C3orf70: variants seen among roughly 807,000 people sequenced by gnomAD.
C3orf70 encodes the protein UPF0524 protein C3orf70.
In C3orf70, 15 loss-of-function variants were observed where a neutral mutation model predicts 20.7. The ratio of observed to expected loss-of-function variants is 0.72; its 90% CI spans 0.48 to 1.11. The LOEUF (loss-of-function observed/expected upper bound fraction) is 1.11. Among genes scored for constraint, C3orf70 ranks in the 50% most tolerant of loss-of-function variants. C3orf70 has a pLI of 0.00. For missense variants in C3orf70, 332 were observed against 317.6 expected (o/e 1.05, Z -0.34); for synonymous variants, 161 against 125.7 (o/e 1.28, Z -1.88).
At chr3:185,137,326 G>A (rs948668893) in intron 1 of C3orf70, among the ~76,000 whole-genome samples, 1 of 152,148 alleles carries the variant, frequency 6.6e-6, no homozygotes, top group South Asian at 2.1e-4. Context: ...CCAGTCTCAG[G>A]TGTGTCTTTA....
In C3orf70 at chr3:185,152,969, G is replaced by T; in HGVS notation, c.-146C>A. ...CACGCGGCGGCGGCGGGAGCGCGGC[G>T]GTCCCAGGCTCGAGGAGGAGCCGCC... On this transcript the variant is annotated 5_prime_UTR_variant, in exon 1 of 2. Coordinates refer to ENST00000335012, the MANE Select transcript of C3orf70 (RefSeq NM_001025266.3). 1.6e-6 allele frequency: 1 copy of T among 637,230 alleles called. No individual in the cohort carries two copies. The highest frequency in any genetic ancestry group is 2.2e-6 in the Non-Finnish European group (1 of 453,200). 39.5% of individuals were successfully genotyped at this position (637,230 alleles called of 1,614,324 possible). A position where few individuals can be genotyped will look rare whatever the true frequency, so the allele number is the denominator to read the frequency against.
chr3:185,100,976 G>A (rs1480509314), intron 1 of C3orf70, among the ~76,000 whole-genome samples: 2 of 151,940 alleles, frequency 1.3e-5, no homozygotes, highest in African/African-American at 2.4e-5. Flanking sequence ...TCCCGAGACT[G>A]AGCCAGGAAG....
chr3:185,137,948 T>C (rs1157041427), intron 1 of C3orf70, among the ~76,000 whole-genome samples: 1 of 151,900 alleles, frequency 6.6e-6, no homozygotes, highest in Non-Finnish European at 1.5e-5. Context: ...AGAAAATCAA[T>C]GAAACAAAGA....
intron 1 of C3orf70, among the ~76,000 whole-genome samples, chr3:185,139,109 G>A (rs1716689295): frequency 6.6e-6 from 1 of 150,472 alleles, no homozygotes; most frequent in African/African-American, 2.4e-5. Context: ...CAAAAAAGGA[G>A]AGGGAGAGGG....
chr3:185,110,383 A>G (rs965383874), intron 1 of C3orf70, among the ~76,000 whole-genome samples: 12 of 152,326 alleles, frequency 7.9e-5, no homozygotes, highest in Admixed American at 2.6e-4. Flanking sequence ...AACACTTGGA[A>G]GCTCTGTGAT....
chr3:185,145,409 A>G (rs1716839299), intron 1 of C3orf70, among the ~76,000 whole-genome samples: 1 of 152,240 alleles, frequency 6.6e-6, no homozygotes. Flanking sequence ...CGTATCATAC[A>G]AATAATAAAA....
At chr3:185,103,356 C>T (rs1231879715) in intron 1 of C3orf70, among the ~76,000 whole-genome samples, 4 of 151,958 alleles carry the variant, frequency 2.6e-5, no homozygotes, top group South Asian at 2.1e-4. Context: ...AATAGACAAA[C>T]GGGATTAATT....
intron 1 of C3orf70, among the ~76,000 whole-genome samples, chr3:185,090,492 C>A (rs1301032845): frequency 2.0e-5 from 3 of 151,774 alleles, no homozygotes; most frequent in African/African-American, 7.3e-5. Flanking sequence ...TCAGGGAATG[C>A]AAAGTAATTT....
chr3:185,078,572 C>T lies in C3orf70; in HGVS notation c.*4435G>A, dbSNP rs913537563. The T allele has an allele frequency of 8.5e-5, 13 of 152,222 alleles. No individual in the cohort carries two copies. The highest frequency in any genetic ancestry group is 1.6e-4 in the Non-Finnish European group (11 of 68,034). The allele number at this position is 152,222 out of a possible 1,614,324, so 9.4% of individuals were successfully genotyped here. A position where few individuals can be genotyped will look rare whatever the true frequency, so the allele number is the denominator to read the frequency against. ...CAGCACTGACCACGTGTGTGGAACT[C>T]CCACTGGCTTCCCCCTTCTTCCCTC... On this transcript the variant is annotated 3_prime_UTR_variant, in exon 2 of 2. Transcript: ENST00000335012.
At chr3:185,139,272 G>C (rs772175722) in intron 1 of C3orf70, among the ~76,000 whole-genome samples, 4 of 152,018 alleles carry the variant, frequency 2.6e-5, no homozygotes, top group Non-Finnish European at 5.9e-5. Flanking sequence ...AGTCTACCCA[G>C]CCAGGCTTGG....
At position 185,077,786 on chromosome 3, in the gene C3orf70, T is replaced by TGGGGGG. The variant is rs757363358; in HGVS notation, c.*5220_*5221insCCCCCC. On this transcript the variant is annotated 3_prime_UTR_variant, in exon 2 of 2. Coordinates refer to ENST00000335012, the MANE Select transcript of C3orf70 (RefSeq NM_001025266.3). The stretch of plus-strand genomic sequence containing the variant: ...GTGTGAAATAAATGCTATTTGGTGG[T>TGGGGGG]GGTGGGGGGGGGGTATCAAGTTTTA... Among the ~76,000 whole-genome samples the TGGGGGG allele has an allele frequency of 2.4e-5, 2 of 85,058 alleles. No homozygotes were observed. The highest frequency in any genetic ancestry group is 5.2e-4 in the South Asian group (1 of 1,924). The allele number at this position is 85,058 out of a possible 152,430, so 55.8% of individuals were successfully genotyped here.
intron 1 of C3orf70, among the ~76,000 whole-genome samples, chr3:185,087,149 A>G (rs1489181141): frequency 1.3e-5 from 2 of 152,242 alleles, no homozygotes; most frequent in African/African-American, 2.4e-5. Flanking sequence ...AAGAAATTCA[A>G]TAACCACTAT....
chr3:185,128,385 G>A (rs769927095), intron 1 of C3orf70, among the ~76,000 whole-genome samples: 17 of 151,996 alleles, frequency 1.1e-4, no homozygotes, highest in African/African-American at 1.7e-4. Context: ...AAAATTAGCC[G>A]GGCATGGTGG....
intron 1 of C3orf70, among the ~76,000 whole-genome samples, chr3:185,136,930 C>T (rs1716640596): frequency 6.6e-6 from 1 of 151,606 alleles, no homozygotes; most frequent in African/African-American, 2.4e-5. Context: ...ACAACAACAA[C>T]AACAACAACA....
At chr3:185,107,488 G>A (rs1288607211) in intron 1 of C3orf70, among the ~76,000 whole-genome samples, 1 of 152,140 alleles carries the variant, frequency 6.6e-6, no homozygotes, top group African/African-American at 2.4e-5. Context: ...GAAAAACAAA[G>A]TTCCTGACAA....
At chr3:185,095,606 C>CA (rs1285066673) in intron 1 of C3orf70, among the ~76,000 whole-genome samples, 1 of 152,186 alleles carries the variant, frequency 6.6e-6, no homozygotes, top group Non-Finnish European at 1.5e-5. Context: ...CACAGGAACT[C>CA]AGAGACTCAA....
chr3:185,133,570 C>G (rs926541740), intron 1 of C3orf70, among the ~76,000 whole-genome samples: 2 of 151,936 alleles, frequency 1.3e-5, no homozygotes, highest in African/African-American at 4.8e-5. Flanking sequence ...CAGCAAAACC[C>G]TGTCTCTACC....
At chr3:185,129,988 G>C (rs1017960558) in intron 1 of C3orf70, among the ~76,000 whole-genome samples, 1 of 152,052 alleles carries the variant, frequency 6.6e-6, no homozygotes, top group African/African-American at 2.4e-5. Context: ...TAACAACCAG[G>C]CTTCTGTTCC....
intron 1 of C3orf70, among the ~76,000 whole-genome samples, chr3:185,131,938 T>C (rs1716530824): frequency 6.6e-6 from 1 of 152,212 alleles, no homozygotes; most frequent in African/African-American, 2.4e-5. Context: ...GGGTTTTACA[T>C]AGCTTAAACT....
Sources: gnomAD v4.1 joint callset for allele counts (sites outside exome capture counted in the v4.1 genomes callset) on GRCh38, gnomAD v4.1.1 for gene constraint, MANE v1.5 for transcripts, NCBI Gene and HGNC (gene_info 2026-07-23, HGNC 2026-07-21) for gene names.